PCDH11X: variants seen among roughly 807,000 people sequenced by gnomAD.
PCDH11X encodes protocadherin 11 X-linked.
A neutral mutation model predicts 53.3 loss-of-function variants in PCDH11X; 18 were observed. The observed-to-expected ratio is 0.34, with a 90% CI of 0.23 to 0.50. The LOEUF is 0.50. Ranked by LOEUF, PCDH11X falls within the 20% of genes least tolerant of loss-of-function variation. PCDH11X has a pLI of 0.98. For missense variants in PCDH11X, 570 were observed against 1,032.4 expected (o/e 0.55, Z 6.14); for synonymous variants, 279 against 393.3 (o/e 0.71, Z 3.44).
chrX:92,302,758 G>A lies in PCDH11X; in HGVS notation c.3144+39615G>A, dbSNP rs979599721. ...GGGGTTTTAAAGAATAGTTCCAGAA[G>A]CTGTATGGAAGGGAAATTCAACTAA... On this transcript the variant is annotated intron_variant, in intron 8 of 10. Coordinates refer to ENST00000682573, the MANE Select transcript of PCDH11X (RefSeq NM_032968.5). Among the ~76,000 whole-genome samples the A allele has an allele frequency of 1.0e-4, 11 of 107,849 alleles. No individual in the cohort carries two copies. The Admixed American group carries it at 1.1e-3, about 11-fold the overall frequency. 93.7% of individuals were successfully genotyped at this position (107,849 alleles called of 115,157 possible). A position where few individuals can be genotyped will look rare whatever the true frequency, so the allele number is the denominator to read the frequency against.
chrX:91,781,887 C>T (rs1164217514), intron 1 of PCDH11X, among the ~76,000 whole-genome samples: 1 of 112,720 alleles, frequency 8.9e-6, no homozygotes, highest in Admixed American at 9.3e-5. Flanking sequence ...TAAGAATTGC[C>T]GCGACAGTTC....
At chrX:92,094,484 T>C (rs777072509) in intron 6 of PCDH11X, among the ~76,000 whole-genome samples, 1 of 111,124 alleles carries the variant, frequency 9.0e-6, no homozygotes, top group South Asian at 3.8e-4. Flanking sequence ...TCTCTATCTT[T>C]GAGGATATAC....
At chrX:92,426,838 C>T (rs1381643330) in intron 9 of PCDH11X, among the ~76,000 whole-genome samples, 1 of 110,700 alleles carries the variant, frequency 9.0e-6, no homozygotes, top group African/African-American at 3.3e-5. Flanking sequence ...AATGTTCTTC[C>T]TTTATAAACA....
At chrX:92,013,979 A>T (rs2062742983) in intron 6 of PCDH11X, among the ~76,000 whole-genome samples, 1 of 111,941 alleles carries the variant, frequency 8.9e-6, no homozygotes, top group Middle Eastern at 4.7e-3. Flanking sequence ...ATGGGCAAGG[A>T]CTTCATGTCT....
chrX:92,388,424 C>T (rs1200712493), intron 9 of PCDH11X, among the ~76,000 whole-genome samples: 10 of 106,582 alleles, frequency 9.4e-5, no homozygotes, highest in Non-Finnish European at 1.9e-4. Context: ...AAATCACACA[C>T]CTGTGCCATG....
At chrX:91,981,035 T>TAC (rs1440220507) in intron 6 of PCDH11X, among the ~76,000 whole-genome samples, 1 of 101,952 alleles carries the variant, frequency 9.8e-6, no homozygotes, top group African/African-American at 3.6e-5. Context: ...TATATATATA[T>TAC]ACACTGAATA....
At chrX:92,130,081 A>G (rs775848793) in intron 6 of PCDH11X, among the ~76,000 whole-genome samples, 5 of 111,927 alleles carry the variant, frequency 4.5e-5, no homozygotes, top group Non-Finnish European at 7.5e-5. Flanking sequence ...ATATGCACAT[A>G]TAAAATACAT....
At chrX:92,130,650 CA>C (rs34011848) in intron 6 of PCDH11X, among the ~76,000 whole-genome samples, 5,788 of 62,994 alleles carry the variant, frequency 0.092, 411 homozygotes, top group African/African-American at 0.24. Context: ...AACTCTGTCT[CA>C]AAAAAAAAAA....
chrX:92,349,678 T>G lies in PCDH11X; in HGVS notation c.3145-38057T>G, dbSNP rs942012996. Among the ~76,000 whole-genome samples the G allele has an allele frequency of 9.0e-5, 10 of 111,265 alleles. No homozygotes were observed. The Admixed American group carries it at 9.6e-4, about 11-fold the overall frequency. On this transcript the variant is annotated intron_variant, in intron 8 of 10. Coordinates refer to ENST00000682573, the MANE Select transcript of PCDH11X (RefSeq NM_032968.5). ...TTATGATTTTTTGACTTTATGATGG[T>G]GCAAAAGTAATCCACATTCAGCATA...
chrX:92,118,965 TCTC>T (rs2064699509), intron 6 of PCDH11X, among the ~76,000 whole-genome samples: 2 of 109,310 alleles, frequency 1.8e-5, no homozygotes, highest in Admixed American at 2.0e-4. Context: ...ATGGTTTCGA[TCTC>T]CTGACCTCGT....
At chrX:92,046,772 A>G (rs2063295147) in intron 6 of PCDH11X, among the ~76,000 whole-genome samples, 1 of 110,311 alleles carries the variant, frequency 9.1e-6, no homozygotes, top group African/African-American at 3.3e-5. Flanking sequence ...GATGATCCAC[A>G]TTATAGTCAA....
At chrX:92,357,183 A>G (rs62596893) in intron 8 of PCDH11X, among the ~76,000 whole-genome samples, 325 of 110,991 alleles carry the variant, frequency 2.9e-3, no homozygotes, top group Non-Finnish European at 4.2e-3. Context: ...TAAGAATGTA[A>G]GTCATTAATT....
intron 10 of PCDH11X, among the ~76,000 whole-genome samples, chrX:92,521,384 A>G (rs1012751915): frequency 7.2e-5 from 8 of 111,351 alleles, no homozygotes; most frequent in Admixed American, 6.7e-4. Context: ...AATGAGCAGT[A>G]ATATGTTGAA....
At chrX:92,019,805 G>A (rs1338532810) in intron 6 of PCDH11X, among the ~76,000 whole-genome samples, 1 of 112,190 alleles carries the variant, frequency 8.9e-6, no homozygotes, top group Non-Finnish European at 1.9e-5. Context: ...AAGCAGCAGA[G>A]ATTGGAGGTT....
At chrX:92,236,874 C>T (rs920914030) in intron 7 of PCDH11X, among the ~76,000 whole-genome samples, 63 of 111,363 alleles carry the variant, frequency 5.7e-4, no homozygotes, top group African/African-American at 1.9e-3. Flanking sequence ...AATGAGATGC[C>T]GACTTAGACA....
chrX:92,444,812 G>A, intron 9 of PCDH11X, among the ~76,000 whole-genome samples: 1 of 100,169 alleles, frequency 1.0e-5, no homozygotes, highest in South Asian at 5.0e-4. Context: ...AATAGTTTAT[G>A]ACAATATGGT....
chrX:92,141,972 G>A (rs2065187354), intron 6 of PCDH11X, among the ~76,000 whole-genome samples: 1 of 110,814 alleles, frequency 9.0e-6, no homozygotes, highest in African/African-American at 3.3e-5. Context: ...TATTGTTTGA[G>A]TAAATCTTAT....
chrX:92,170,216 C>T (rs2065800484), intron 6 of PCDH11X, among the ~76,000 whole-genome samples: 1 of 110,707 alleles, frequency 9.0e-6, no homozygotes, highest in African/African-American at 3.3e-5. Context: ...GATGAATAAA[C>T]TATTTCACTA....
chrX:92,046,092 G>A lies in PCDH11X; in HGVS notation c.3034-155283G>A, dbSNP rs183038571. On this transcript the variant is annotated intron_variant, in intron 6 of 10. Transcript: ENST00000682573. ...GGAGCCAACAAGTACCCACTTGTGAGAGCCAATTGTGCATCTCTTTCCAAT... is the reference window on the plus strand; with the variant it reads ...GGAGCCAACAAGTACCCACTTGTGAAAGCCAATTGTGCATCTCTTTCCAAT... Among the ~76,000 whole-genome samples the A allele has an allele frequency of 2.7e-5, 3 of 111,799 alleles. No homozygotes were observed. The East Asian group carries it at 8.5e-4, about 32-fold the overall frequency.
Sources: allele counts gnomAD v4.1 joint callset (sites outside exome capture counted in the v4.1 genomes callset), GRCh38; gene constraint gnomAD v4.1.1; transcripts MANE v1.5; gene names NCBI Gene and HGNC (gene_info 2026-07-23, HGNC 2026-07-21).